Variants in ENOX1 observed in about 807,000 individuals in gnomAD.
The protein encoded by ENOX1 is candidate growth-related and time keeping constitutive hydroquinone (NADH) oxidase.
ENOX1 carries 42 observed loss-of-function variants against 82.5 expected under a neutral mutation model. The observed-to-expected ratio is 0.51, with a 90% CI of 0.40 to 0.66. The LOEUF (loss-of-function observed/expected upper bound fraction) is 0.66. ENOX1 is among the 30% of genes least tolerant of loss of function. The pLI, the probability that ENOX1 is intolerant of heterozygous loss-of-function variation, is 0.00. For synonymous variants in ENOX1, 271 were observed against 282.2 expected, an observed-to-expected ratio of 0.96 and a Z score of 0.40; for missense variants, 608 against 811.6, an observed-to-expected ratio of 0.75 and a Z score of 3.05.
chr13:43,731,414 A>G (rs1393223008), intron 1 of ENOX1, among the ~76,000 whole-genome samples: 2 of 152,166 alleles, frequency 1.3e-5, no homozygotes, highest in Non-Finnish European at 2.9e-5. Context: ...AATATTTTTA[A>G]AAGTTCCTGT....
chr13:43,742,213 G>A (rs957357690), intron 1 of ENOX1, among the ~76,000 whole-genome samples: 1 of 151,936 alleles, frequency 6.6e-6, no homozygotes, highest in South Asian at 2.1e-4. Context: ...TGAAGTATTG[G>A]CACACATATT....
At chr13:43,356,783 G>A (rs1013640262) in intron 7 of ENOX1, among the ~76,000 whole-genome samples, 1 of 152,004 alleles carries the variant, frequency 6.6e-6, no homozygotes, top group Non-Finnish European at 1.5e-5. Context: ...TCTGGGGTGC[G>A]CAGGAGAATA....
chr13:43,244,895 C>T (rs2043008667), intron 14 of ENOX1, among the ~76,000 whole-genome samples: 1 of 152,212 alleles, frequency 6.6e-6, no homozygotes, highest in Non-Finnish European at 1.5e-5. Flanking sequence ...TTAAACATCA[C>T]ACTTCATGAA....
At chr13:43,395,173 A>G (rs1395710514) in intron 5 of ENOX1, among the ~76,000 whole-genome samples, 1 of 152,230 alleles carries the variant, frequency 6.6e-6, no homozygotes, top group Non-Finnish European at 1.5e-5. Context: ...GCATGGGAAT[A>G]GCGTGACACA....
At chr13:43,283,101 A>T (rs1349838273) in intron 12 of ENOX1, among the ~76,000 whole-genome samples, 1 of 141,788 alleles carries the variant, frequency 7.1e-6, no homozygotes, top group South Asian at 2.2e-4. Context: ...AAAAAAAAAA[A>T]TTTAAGCTAT....
intron 1 of ENOX1, among the ~76,000 whole-genome samples, chr13:43,703,939 C>G (rs2087078756): frequency 6.6e-6 from 1 of 151,648 alleles, no homozygotes; most frequent in Non-Finnish European, 1.5e-5. Context: ...CTTCCTCATG[C>G]TCAAACCTGA....
At chr13:43,254,743 G>A (rs1314922783) in intron 14 of ENOX1, among the ~76,000 whole-genome samples, 4 of 152,112 alleles carry the variant, frequency 2.6e-5, no homozygotes, top group Non-Finnish European at 5.9e-5. Context: ...GATCCTTAGA[G>A]TCTATCATGA....
At chr13:43,624,111 T>C (rs1016732829) in intron 2 of ENOX1, among the ~76,000 whole-genome samples, 3 of 152,238 alleles carry the variant, frequency 2.0e-5, no homozygotes, top group Non-Finnish European at 4.4e-5. Context: ...GTTTTTATTT[T>C]ACTTATTCTG....
At chr13:43,684,481 G>T (rs576563541) in intron 1 of ENOX1, among the ~76,000 whole-genome samples, 1 of 152,232 alleles carries the variant, frequency 6.6e-6, no homozygotes, top group South Asian at 2.1e-4. Context: ...TTAAAATGTA[G>T]GAAGTTCTGA....
At chr13:43,407,410 C>T (rs747036698) in intron 5 of ENOX1, among the ~76,000 whole-genome samples, 3 of 152,158 alleles carry the variant, frequency 2.0e-5, no homozygotes, top group Non-Finnish European at 2.9e-5. Context: ...TCACGAGAGG[C>T]TCACAGGTTT....
chr13:43,606,144 A>G (rs1245019600), intron 2 of ENOX1, among the ~76,000 whole-genome samples: 1 of 152,194 alleles, frequency 6.6e-6, no homozygotes, highest in African/African-American at 2.4e-5. Context: ...CTTTTAGCCA[A>G]AAGTCAGGCA....
At chr13:43,241,487 TG>T (rs2042830173) in intron 14 of ENOX1, among the ~76,000 whole-genome samples, 1 of 152,168 alleles carries the variant, frequency 6.6e-6, no homozygotes, top group African/African-American at 2.4e-5. Context: ...AACATTAGGA[TG>T]GAGATCAAGA....
chr13:43,306,602 G>A (rs2046879237), intron 11 of ENOX1, among the ~76,000 whole-genome samples: 1 of 152,216 alleles, frequency 6.6e-6, no homozygotes, highest in Non-Finnish European at 1.5e-5. Flanking sequence ...CTAACTGACA[G>A]TAGTTGGTCT....
At chr13:43,290,660 ATC>A (rs1337696083) in intron 12 of ENOX1, among the ~76,000 whole-genome samples, 1 of 152,186 alleles carries the variant, frequency 6.6e-6, no homozygotes, top group African/African-American at 2.4e-5. Context: ...AGGTGATGGG[ATC>A]TGTACGCTAA....
chr13:43,458,948 C>G (rs907257223), intron 3 of ENOX1: 1 of 152,140 alleles, frequency 6.6e-6, no homozygotes, highest in East Asian at 1.9e-4. Context: ...TATTGACATA[C>G]TTTGGAAAAG....
chr13:43,313,453 C>A (rs1212451816), intron 11 of ENOX1, among the ~76,000 whole-genome samples: 1 of 152,134 alleles, frequency 6.6e-6, no homozygotes, highest in Non-Finnish European at 1.5e-5. Context: ...TCCAGAATGA[C>A]TGAAAATGTC....
chr13:43,213,957 G>A lies in ENOX1; in HGVS notation c.*33C>T. 6.2e-7 allele frequency: 1 copy of A among 1,606,838 alleles called. No individual in the cohort carries two copies. The highest frequency in any genetic ancestry group is 8.5e-7 in the Non-Finnish European group (1 of 1,175,440). ...GCACCGCCCTGGCCAGGTTCACATGGTTTCATTTCCAGAGATGCTTTGCTC... is the reference window on the plus strand; with the variant it reads ...GCACCGCCCTGGCCAGGTTCACATGATTTCATTTCCAGAGATGCTTTGCTC... On this transcript the variant is annotated 3_prime_UTR_variant, in exon 17 of 17. Transcript: ENST00000690772.
rs865913159 is a variant in ENOX1 at position 43,470,329 on chromosome 13, T to C, written c.-75+13680A>G. Among the ~76,000 whole-genome samples, 112 of 61,112 alleles carry C rather than the reference T, an allele frequency of 1.8e-3. 12 individuals are homozygous for C. The highest frequency in any genetic ancestry group is 4.4e-3 in the African/African-American group (68 of 15,332). The allele number at this position is 61,112 out of a possible 152,430, so 40.1% of individuals were successfully genotyped here. A position where few individuals can be genotyped will look rare whatever the true frequency, so the allele number is the denominator to read the frequency against. On this transcript the variant is annotated intron_variant, in intron 3 of 16. Transcript: ENST00000690772. ...ATACATATATATACACATATATATA[T>C]GTATATATATACGTATATATATATG...
In ENOX1 at chr13:43,356,269, T is replaced by C; in HGVS notation, c.590-117A>G. On this transcript the variant is annotated intron_variant, in intron 7 of 16. Transcript: ENST00000690772. ...CTTATTTCTTGGCTGTCACTACGGA[T>C]ACATTTCCCATAGGAAGCGGGAAAC... The C allele has an allele frequency of 1.5e-5, 12 of 812,002 alleles. 1 individual carries two copies. The South Asian group carries it at 1.6e-4, about 11-fold the overall frequency. 50.3% of individuals were successfully genotyped at this position (812,002 alleles called of 1,614,324 possible).
Sources: allele counts gnomAD v4.1 joint callset (sites outside exome capture counted in the v4.1 genomes callset), GRCh38; gene constraint gnomAD v4.1.1; transcripts MANE v1.5; gene names NCBI Gene and HGNC (gene_info 2026-07-23, HGNC 2026-07-21).